Variants in HMBOX1 observed in about 807,000 individuals in gnomAD.
HMBOX1 encodes the protein homeobox containing 1, also known as homeobox-containing protein 1.
A neutral mutation model predicts 54.5 loss-of-function variants in HMBOX1; 14 were observed. The observed-to-expected ratio is 0.26, with a 90% CI of 0.17 to 0.40. HMBOX1 has a LOEUF of 0.40. Ranked by LOEUF, HMBOX1 falls within the 10% of genes least tolerant of loss-of-function variation. HMBOX1 has a pLI of 1.00. For missense variants in HMBOX1, 332 were observed against 514.4 expected (o/e 0.65, Z 3.43); for synonymous variants, 160 against 181.0 (o/e 0.88, Z 0.93).
intron 1 of HMBOX1, among the ~76,000 whole-genome samples, chr8:28,962,076 G>A (rs1384403488): frequency 1.3e-5 from 2 of 151,574 alleles, no homozygotes; most frequent in Non-Finnish European, 2.9e-5. Context: ...ACTCAGTGTG[G>A]ATGTGATCTT....
At chr8:28,982,163 G>T (rs1829451975) in intron 4 of HMBOX1, among the ~76,000 whole-genome samples, 1 of 152,198 alleles carries the variant, frequency 6.6e-6, no homozygotes, top group South Asian at 2.1e-4. Flanking sequence ...AACCTGGGAA[G>T]CGGAGCTTGC....
chr8:28,992,142 G>A (rs1831068429), intron 4 of HMBOX1, among the ~76,000 whole-genome samples: 1 of 152,182 alleles, frequency 6.6e-6, no homozygotes, highest in Admixed American at 6.5e-5. Context: ...AGGATGGACT[G>A]TCTGGCTTCA....
chr8:29,024,118 C>G (rs1279220384), intron 6 of HMBOX1, among the ~76,000 whole-genome samples: 1 of 152,150 alleles, frequency 6.6e-6, no homozygotes, highest in Non-Finnish European at 1.5e-5. Context: ...TTTGGTTACC[C>G]TGAAATGTAC....
At chr8:28,937,993 G>A (rs1820693446) in intron 1 of HMBOX1, among the ~76,000 whole-genome samples, 1 of 151,946 alleles carries the variant, frequency 6.6e-6, no homozygotes, top group Non-Finnish European at 1.5e-5. Context: ...ATTGCCTCAG[G>A]AGACCTCTTG....
At chr8:28,911,369 G>T (rs1006721458) in intron 1 of HMBOX1, among the ~76,000 whole-genome samples, 1 of 152,156 alleles carries the variant, frequency 6.6e-6, no homozygotes, top group African/African-American at 2.4e-5. Flanking sequence ...GCTGCTGCTT[G>T]ACTTTTTTTG....
At chr8:28,940,207 A>G (rs978122781) in intron 1 of HMBOX1, among the ~76,000 whole-genome samples, 6 of 152,104 alleles carry the variant, frequency 3.9e-5, no homozygotes, top group African/African-American at 1.4e-4. Flanking sequence ...GGGTTTCCCC[A>G]TGTTGGTCAG....
intron 5 of HMBOX1, among the ~76,000 whole-genome samples, chr8:29,012,280 A>G (rs1834323097): frequency 3.3e-5 from 5 of 152,204 alleles, no homozygotes; most frequent in Admixed American, 3.3e-4. Context: ...GGTTAAGATG[A>G]ACTAAAATTA....
chr8:29,034,878 TAAAG>T (rs1326248612), intron 6 of HMBOX1, among the ~76,000 whole-genome samples: 1 of 151,846 alleles, frequency 6.6e-6, no homozygotes, highest in Non-Finnish European at 1.5e-5. Context: ...AATAAATAAA[TAAAG>T]GCAATTGAGG....
chr8:28,921,440 A>G (rs1347128788), intron 1 of HMBOX1, among the ~76,000 whole-genome samples: 2 of 152,244 alleles, frequency 1.3e-5, no homozygotes, highest in Admixed American at 1.3e-4. Flanking sequence ...TAGTGAATAT[A>G]CTGTATAAAG....
At chr8:28,996,759 C>T (rs1440645369) in intron 4 of HMBOX1, among the ~76,000 whole-genome samples, 2 of 152,146 alleles carry the variant, frequency 1.3e-5, no homozygotes, top group African/African-American at 2.4e-5. Context: ...CATCTTTGAT[C>T]CACTTTGAGT....
At chr8:28,991,573 C>T (rs1268361490) in intron 4 of HMBOX1, among the ~76,000 whole-genome samples, 1 of 152,228 alleles carries the variant, frequency 6.6e-6, no homozygotes, top group Middle Eastern at 3.4e-3. Flanking sequence ...CATCATTGTT[C>T]TTGATGAGAA....
intron 1 of HMBOX1, among the ~76,000 whole-genome samples, chr8:28,892,205 G>T (rs1811155943): frequency 6.6e-6 from 1 of 152,186 alleles, no homozygotes; most frequent in South Asian, 2.1e-4. Flanking sequence ...CAGGATTGCA[G>T]TGCTTTGCAT....
chr8:29,015,156 A>G (rs1834814833), intron 5 of HMBOX1, among the ~76,000 whole-genome samples: 1 of 152,196 alleles, frequency 6.6e-6, no homozygotes, highest in South Asian at 2.1e-4. Flanking sequence ...TATTAATAAT[A>G]AACCCCAATA....
intron 1 of HMBOX1, among the ~76,000 whole-genome samples, chr8:28,947,776 G>A (rs1201807232): frequency 2.0e-5 from 3 of 151,776 alleles, no homozygotes; most frequent in Non-Finnish European, 2.9e-5. Context: ...TCCTGCCCCC[G>A]CCCCTGATTT....
intron 4 of HMBOX1, among the ~76,000 whole-genome samples, chr8:28,999,209 A>T (rs1360404357): frequency 1.3e-5 from 2 of 152,104 alleles, no homozygotes; most frequent in Non-Finnish European, 2.9e-5. Context: ...CTCATCTGAA[A>T]ATGTCTTAAT....
intron 2 of HMBOX1, among the ~76,000 whole-genome samples, chr8:28,967,846 A>C (rs1022287307): frequency 6.6e-6 from 1 of 152,242 alleles, no homozygotes. Flanking sequence ...ATTGGAAGAA[A>C]TCAGACCCTA....
chr8:29,045,507 T>G (rs1320862483), intron 7 of HMBOX1, 64 bp downstream of exon 7: 2 of 1,281,090 alleles, frequency 1.6e-6, no homozygotes, highest in Non-Finnish European at 2.3e-6. Flanking sequence ...GGTTGGCATC[T>G]AGGACACTTA....
chr8:28,900,674 T>C (rs956073885), intron 1 of HMBOX1, among the ~76,000 whole-genome samples: 1 of 152,174 alleles, frequency 6.6e-6, no homozygotes, highest in Non-Finnish European at 1.5e-5. Flanking sequence ...CATCAGCTCA[T>C]TTTCTTAAAC....
intron 4 of HMBOX1, among the ~76,000 whole-genome samples, chr8:29,003,549 G>A (rs1469542607): frequency 3.4e-4 from 8 of 23,620 alleles, no homozygotes; most frequent in East Asian, 2.0e-3. Flanking sequence ...AAATTTTTCT[G>A]TATTAAATAT....
Sources: allele counts gnomAD v4.1 joint callset (sites outside exome capture counted in the v4.1 genomes callset), GRCh38; gene constraint gnomAD v4.1.1; transcripts MANE v1.5; gene names NCBI Gene and HGNC (gene_info 2026-07-23, HGNC 2026-07-21).